Variants in ARPC1A observed in about 807,000 individuals in gnomAD.
ARPC1A encodes the protein actin-related protein 2/3 complex subunit 1A.
Under a neutral mutation model 46.9 loss-of-function variants are expected in ARPC1A, and 8 were observed. That is an observed-to-expected ratio of 0.17 (90% confidence interval 0.10 to 0.31). ARPC1A has a LOEUF of 0.31. ARPC1A is among the 10% of genes least tolerant of loss of function. The pLI, the probability that ARPC1A is intolerant of heterozygous loss-of-function variation, is 1.00. For synonymous variants in ARPC1A, 152 were observed against 169.0 expected (o/e 0.90, Z 0.78); for missense variants, 286 against 483.6 (o/e 0.59, Z 3.83).
At chr7:99,358,536 CT>C (rs5886103) in intron 7 of ARPC1A, 121 bp downstream of exon 7, 43,497 of 317,124 alleles carry the variant, frequency 0.14, 82 homozygotes, top group Middle Eastern at 0.16. Context: ...ACAGAGCTCA[CT>C]TTTTTTTTTT....
intron 6 of ARPC1A, among the ~76,000 whole-genome samples, chr7:99,354,822 A>T (rs1368554767): frequency 6.6e-6 from 1 of 152,036 alleles, no homozygotes; most frequent in Admixed American, 6.6e-5. Flanking sequence ...TCTCTAATAA[A>T]AATACAAAAA....
intron 5 of ARPC1A, among the ~76,000 whole-genome samples, chr7:99,350,489 T>A (rs1287700140): frequency 6.6e-6 from 1 of 152,154 alleles, no homozygotes; most frequent in Non-Finnish European, 1.5e-5. Context: ...ACTTTAAGGA[T>A]CATACCATGG....
intron 5 of ARPC1A, among the ~76,000 whole-genome samples, chr7:99,352,667 A>G (rs1223166143): frequency 6.6e-6 from 1 of 151,256 alleles, no homozygotes; most frequent in Non-Finnish European, 1.5e-5. Context: ...AAAAAAAAAA[A>G]AAAGTTGGAG....
chr7:99,358,959 G>A (rs888356715), intron 7 of ARPC1A, among the ~76,000 whole-genome samples: 1 of 152,018 alleles, frequency 6.6e-6, no homozygotes, highest in Non-Finnish European at 1.5e-5. Context: ...AGCGTCCTGA[G>A]TAGCTGGGAC....
chr7:99,333,413 T>C lies in ARPC1A; in HGVS notation c.60T>C (p.Arg20=). ...PITCHAWNRD[R]TQIALSPNNH... ...CCTGTCATGCCTGGAACAGGGATCGTACTCGTAAGTATTTTATTAACTTTG... is the reference window on the plus strand; with the variant it reads ...CCTGTCATGCCTGGAACAGGGATCGCACTCGTAAGTATTTTATTAACTTTG... Residue 20 remains arginine (R), a synonymous_variant, in exon 2 of 10, where the codon CGT becomes CGC. Coordinates refer to ENST00000262942, the MANE Select transcript of ARPC1A (RefSeq NM_006409.4). 6.2e-7 allele frequency: 1 copy of C among 1,611,668 alleles called. No individual in the cohort carries two copies. The highest frequency in any genetic ancestry group is 8.5e-7 in the Non-Finnish European group (1 of 1,179,010).
rs1657321064 is a variant in ARPC1A, at chr7:99,366,218, A to G, written c.*289A>G. ...ACTTAAAAGACAGGGTGAGGGAGAT[A>G]TGTAAATTGTCCACTAGAAAATTAA... On this transcript the variant is annotated 3_prime_UTR_variant, in exon 10 of 10. Coordinates refer to ENST00000262942, the MANE Select transcript of ARPC1A (RefSeq NM_006409.4). 1 of 344,224 alleles carries G rather than the reference A, an allele frequency of 2.9e-6. No individual in the cohort carries two copies. The highest frequency in any genetic ancestry group is 5.3e-6 in the Non-Finnish European group (1 of 188,508). The allele number at this position is 344,224 out of a possible 1,614,324, so 21.3% of individuals were successfully genotyped here.
At chr7:99,363,765 C>G in intron 9 of ARPC1A, 132 bp downstream of exon 9, 1 of 646,904 alleles carries the variant, frequency 1.5e-6, no homozygotes, top group Non-Finnish European at 2.6e-6. Context: ...GCCACCAACT[C>G]CTTGCCTCCA....
At chr7:99,348,154 G>C (rs1354942604) in intron 4 of ARPC1A, among the ~76,000 whole-genome samples, 1 of 152,128 alleles carries the variant, frequency 6.6e-6, no homozygotes, top group Non-Finnish European at 1.5e-5. Context: ...ATATTAAGCT[G>C]TCTTACAACC....
chr7:99,365,775 G>A, intron 9 of ARPC1A, 116 bp from the exon 10 acceptor site: 1 of 1,121,416 alleles, frequency 8.9e-7, no homozygotes, highest in South Asian at 1.4e-5. Context: ...GTGGGGCAGG[G>A]CCAGGTTCAG....
intron 1 of ARPC1A, among the ~76,000 whole-genome samples, chr7:99,332,927 C>T (rs1196506326): frequency 3.1e-5 from 4 of 129,536 alleles, no homozygotes; most frequent in East Asian, 2.0e-4. Flanking sequence ...GACAGAGTCT[C>T]GCTCTGTCGC....
At chr7:99,346,921 A>G (rs1171885536) in intron 4 of ARPC1A, among the ~76,000 whole-genome samples, 3 of 151,974 alleles carry the variant, frequency 2.0e-5, no homozygotes, top group Non-Finnish European at 2.9e-5. Flanking sequence ...AGAGGTTGCA[A>G]TGAGCCGAGA....
chr7:99,354,663 G>A (rs1186166660), intron 6 of ARPC1A, among the ~76,000 whole-genome samples: 1 of 151,986 alleles, frequency 6.6e-6, no homozygotes, highest in Non-Finnish European at 1.5e-5. Context: ...TGGCCAACAT[G>A]GTGAAACCCC....
intron 3 of ARPC1A, chr7:99,339,972 A>G (rs1190528841): frequency 2.2e-6 from 1 of 456,066 alleles, no homozygotes; most frequent in Non-Finnish European, 4.4e-6. Flanking sequence ...TGAGATGGGA[A>G]GACTGAAGAA....
intron 5 of ARPC1A, among the ~76,000 whole-genome samples, chr7:99,351,526 G>C (rs1021853675): frequency 6.6e-6 from 1 of 152,152 alleles, no homozygotes; most frequent in Non-Finnish European, 1.5e-5. Context: ...GCCCAGTCCT[G>C]TGGGTATGGG....
intron 1 of ARPC1A, among the ~76,000 whole-genome samples, chr7:99,332,317 A>C (rs150890241): frequency 1.0e-3 from 153 of 152,322 alleles, no homozygotes; most frequent in African/African-American, 3.6e-3. Flanking sequence ...ACTATTTATA[A>C]GTGACGATGT....
chr7:99,365,795 A>T, intron 9 of ARPC1A, 96 bp from the exon 10 acceptor site: 1 of 1,332,660 alleles, frequency 7.5e-7, no homozygotes, highest in Non-Finnish European at 1.0e-6. Context: ...GGGTGGGGAC[A>T]GGCAGAACCT....
chr7:99,327,783 A>G (rs193061470), intron 1 of ARPC1A, among the ~76,000 whole-genome samples: 1 of 152,226 alleles, frequency 6.6e-6, no homozygotes, highest in Non-Finnish European at 1.5e-5. Flanking sequence ...AATCCTATAT[A>G]AAGAAGTTTA....
intron 9 of ARPC1A, among the ~76,000 whole-genome samples, chr7:99,365,503 A>G (rs1793820690): frequency 6.6e-6 from 1 of 151,930 alleles, no homozygotes; most frequent in South Asian, 2.1e-4. Flanking sequence ...AGTTGCAGCT[A>G]CTTGAGAAGC....
intron 8 of ARPC1A, among the ~76,000 whole-genome samples, chr7:99,360,497 T>C (rs902286703): frequency 1.3e-5 from 2 of 152,030 alleles, no homozygotes; most frequent in African/African-American, 4.8e-5. Context: ...GGCTAATTTT[T>C]TGTATTTTTA....
Sources: allele counts gnomAD v4.1 joint callset (sites outside exome capture counted in the v4.1 genomes callset), GRCh38; gene constraint gnomAD v4.1.1; transcripts MANE v1.5; gene names NCBI Gene and HGNC (gene_info 2026-07-23, HGNC 2026-07-21).